UBR2: variants seen among roughly 807,000 people sequenced by gnomAD.
The protein encoded by UBR2 is E3 ubiquitin-protein ligase UBR2.
A neutral mutation model predicts 247.9 loss-of-function variants in UBR2; 92 were observed. The observed-to-expected ratio is 0.37, with a 90% CI of 0.31 to 0.44. UBR2 has a LOEUF of 0.44. Among genes scored for constraint, UBR2 ranks in the 20% least tolerant of loss-of-function variants. The pLI is 1.00. For missense variants in UBR2, 1,613 were observed against 2,112.6 expected, an observed-to-expected ratio of 0.76 and a Z score of 4.64; for synonymous variants, 672 against 693.5, an observed-to-expected ratio of 0.97 and a Z score of 0.49.
chr6:42,671,069 C>G (rs1423221203), intron 36 of UBR2, among the ~76,000 whole-genome samples: 1 of 151,764 alleles, frequency 6.6e-6, no homozygotes, highest in East Asian at 1.9e-4. Flanking sequence ...CCTATAGTCC[C>G]AGCTACTCAG....
rs115033702 is a variant in UBR2, at chr6:42,628,819, C to T, written c.1282-3733C>T. The stretch of plus-strand genomic sequence containing the variant: ...AAATATGTGTTCAGTCAGCATTATC[C>T]CTGTATGCTATGGCATGTTTAGTTT... On this transcript the variant is annotated intron_variant, in intron 11 of 46. Transcript: ENST00000372901. 3.0e-3 allele frequency among the ~76,000 whole-genome samples: 453 copies of T among 151,590 alleles called. 3 individuals are homozygous for T. The highest frequency in any genetic ancestry group is 0.01 in the African/African-American group (432 of 41,312).
intron 2 of UBR2, among the ~76,000 whole-genome samples, chr6:42,591,309 C>T (rs879440309): frequency 6.6e-6 from 1 of 152,160 alleles, no homozygotes; most frequent in Non-Finnish European, 1.5e-5. Flanking sequence ...TAAATTTTAG[C>T]CCATCTACTA....
intron 4 of UBR2, among the ~76,000 whole-genome samples, chr6:42,601,119 A>G (rs1202338536): frequency 6.6e-6 from 1 of 152,188 alleles, no homozygotes; most frequent in South Asian, 2.1e-4. Context: ...CTGTTTATCA[A>G]ACTCTTCAAT....
chr6:42,610,848 CTTT>C (rs1284620883), intron 7 of UBR2, among the ~76,000 whole-genome samples: 1 of 141,640 alleles, frequency 7.1e-6, no homozygotes, highest in Non-Finnish European at 1.6e-5. Flanking sequence ...TGTATTTTAC[CTTT>C]TTTTTTTTTT....
intron 1 of UBR2, among the ~76,000 whole-genome samples, chr6:42,571,559 A>G (rs1791140811): frequency 6.6e-6 from 1 of 151,966 alleles, no homozygotes; most frequent in African/African-American, 2.4e-5. Flanking sequence ...CCTGGTCAAC[A>G]TAGTGAAACC....
chr6:42,614,204 A>ATATATAT (rs1562310759), intron 8 of UBR2, among the ~76,000 whole-genome samples: 16 of 58,992 alleles, frequency 2.7e-4, no homozygotes, highest in East Asian at 5.0e-4. Context: ...AAAAAAAAAA[A>ATATATAT]ACTATATATA....
At position 42,640,344 on chromosome 6, in the gene UBR2, A is replaced by G. The variant is rs866209649; in HGVS notation, c.1920+74A>G. On this transcript the variant is annotated intron_variant, in intron 16 of 46. Coordinates refer to ENST00000372901, the MANE Select transcript of UBR2 (RefSeq NM_001363705.2). Reference sequence around the variant, plus strand: ...TGTATTTGGAATCACTTTGAAACACATTTTTAGTTTGGGTTCTCCAGAGGA... The same window carrying G: ...TGTATTTGGAATCACTTTGAAACACGTTTTTAGTTTGGGTTCTCCAGAGGA... 38 of 1,377,804 alleles carry G rather than the reference A, an allele frequency of 2.8e-5. 1 individual carries two copies. The Middle Eastern group carries it at 1.7e-3, about 62-fold the overall frequency. 85.3% of individuals were successfully genotyped at this position (1,377,804 alleles called of 1,614,324 possible). A position where few individuals can be genotyped will look rare whatever the true frequency, so the allele number is the denominator to read the frequency against.
At chr6:42,578,453 G>A (rs1242190467) in intron 2 of UBR2, among the ~76,000 whole-genome samples, 14 of 152,130 alleles carry the variant, frequency 9.2e-5, no homozygotes, top group Admixed American at 9.2e-4. Context: ...CTCAGGGATA[G>A]ATGAAACTAG....
At position 42,657,150 on chromosome 6, in the gene UBR2, G is replaced by A. The variant is rs947418075; in HGVS notation, c.2873-874G>A. Among the ~76,000 whole-genome samples the A allele has an allele frequency of 4.7e-5, 7 of 150,168 alleles. No individual in the cohort carries two copies. In the East Asian group the frequency reaches 7.9e-4, roughly 17 times the overall value. ...CTCGGGAGGCTGAGGCAGGAAAATCGCTTGAACCCAGGAGGTGGAGGTTGC... is the reference window on the plus strand; with the variant it reads ...CTCGGGAGGCTGAGGCAGGAAAATCACTTGAACCCAGGAGGTGGAGGTTGC... On this transcript the variant is annotated intron_variant, in intron 26 of 46. Coordinates refer to ENST00000372901, the MANE Select transcript of UBR2 (RefSeq NM_001363705.2).
At chr6:42,599,752 C>T (rs896939268) in intron 4 of UBR2, among the ~76,000 whole-genome samples, 5 of 151,892 alleles carry the variant, frequency 3.3e-5, no homozygotes, top group South Asian at 2.1e-4. Context: ...TGGACTCAAG[C>T]GATTTCTCCC....
chr6:42,684,920 C>A, intron 44 of UBR2, 49 bp downstream of exon 44: 6 of 1,475,936 alleles, frequency 4.1e-6, no homozygotes, highest in Non-Finnish European at 4.7e-6. Flanking sequence ...GGAAACACCT[C>A]TCTACAAAGA....
chr6:42,615,118 G>A lies in UBR2; in HGVS notation c.1033G>A (p.Asp345Asn), dbSNP rs779956608. 3.1e-6 allele frequency: 5 copies of A among 1,613,622 alleles called. No homozygotes were observed. The highest frequency in any genetic ancestry group is 1.7e-5 in the Admixed American group (1 of 59,950). ...LCQVGLQEGP[D>N]GENSSLVDRL... ...TCAAGTTGGTTTACAAGAAGGGCCA[G>A]ATGGTGAAAACTCTTCTCTAGTGGA... The change falls in exon 9 of 47, where the codon GAT becomes AAT. Residue 345 changes from aspartate (D) to asparagine (N), a missense_variant. Asp to Asn is a conservative substitution (Grantham distance 23). Coordinates refer to ENST00000372901, the MANE Select transcript of UBR2 (RefSeq NM_001363705.2).
At chr6:42,650,183 G>A in intron 22 of UBR2, 101 bp from the exon 23 acceptor site, 2 of 928,048 alleles carry the variant, frequency 2.2e-6, no homozygotes, top group South Asian at 1.6e-5. Flanking sequence ...CCCACCAGCA[G>A]TATATGAGAG....
chr6:42,660,116 T>G (rs929792636), intron 30 of UBR2, among the ~76,000 whole-genome samples: 3 of 152,204 alleles, frequency 2.0e-5, no homozygotes, highest in Non-Finnish European at 4.4e-5. Flanking sequence ...ACTTTGGCAT[T>G]TCACAGTCTT....
At chr6:42,662,046 T>G in intron 30 of UBR2, 138 bp from the exon 31 acceptor site, 1 of 543,008 alleles carries the variant, frequency 1.8e-6, no homozygotes, top group Non-Finnish European at 3.2e-6. Context: ...CATAAATTGG[T>G]ATCTCAGAGG....
chr6:42,614,423 CATATATAT>C (rs1794392878), intron 8 of UBR2, among the ~76,000 whole-genome samples: 2 of 79,480 alleles, frequency 2.5e-5, no homozygotes, highest in African/African-American at 9.4e-5. Context: ...TACGTACGTA[CATATATAT>C]GTATGTACGT....
intron 1 of UBR2, among the ~76,000 whole-genome samples, chr6:42,570,177 G>T (rs1167030239): frequency 6.6e-6 from 1 of 152,182 alleles, no homozygotes; most frequent in Non-Finnish European, 1.5e-5. Context: ...TCAGCTTAAA[G>T]TGCCTGTAAT....
At chr6:42,640,315 T>C (rs759627863) in intron 16 of UBR2, 45 bp downstream of exon 16, 1 of 1,527,770 alleles carries the variant, frequency 6.5e-7, no homozygotes, top group East Asian at 2.3e-5. Context: ...TTTATTATGT[T>C]CTTTGTATTT....
At chr6:42,626,464 G>A (rs1053212938) in intron 11 of UBR2, among the ~76,000 whole-genome samples, 1 of 152,076 alleles carries the variant, frequency 6.6e-6, no homozygotes, top group Non-Finnish European at 1.5e-5. Flanking sequence ...CTCTTTTTAC[G>A]GCTTCTCTTG....
Sources: gnomAD v4.1 joint callset for allele counts (sites outside exome capture counted in the v4.1 genomes callset) on GRCh38, gnomAD v4.1.1 for gene constraint, MANE v1.5 for transcripts, NCBI Gene and HGNC (gene_info 2026-07-23, HGNC 2026-07-21) for gene names.